PCDHGA3: variants seen among roughly 807,000 people sequenced by gnomAD.
PCDHGA3 encodes the protein protocadherin gamma-A3.
Under a neutral mutation model 58.5 loss-of-function variants are expected in PCDHGA3, and 40 were observed. The observed-to-expected ratio is 0.68, with a 90% CI of 0.53 to 0.89. The LOEUF (loss-of-function observed/expected upper bound fraction) is 0.89. Ranked by LOEUF, PCDHGA3 falls within the 40% of genes least tolerant of loss-of-function variation. PCDHGA3 has a pLI of 0.00. For synonymous variants in PCDHGA3, 530 were observed against 525.7 expected (o/e 1.01, Z -0.11); for missense variants, 1,223 against 1,195.9 (o/e 1.02, Z -0.33).
At chr5:141,415,386 A>G (rs1383734863) in intron 1 of PCDHGA3, 9 of 1,614,156 alleles carry the variant, frequency 5.6e-6, no homozygotes, top group Non-Finnish European at 7.6e-6. Flanking sequence ...GCGGCTTGAC[A>G]GGTGTGTCCG....
chr5:141,438,358 G>A (rs1160913890), intron 1 of PCDHGA3, among the ~76,000 whole-genome samples: 1 of 151,634 alleles, frequency 6.6e-6, no homozygotes. Context: ...TCTGTGTATT[G>A]TCATTGAGGG....
At chr5:141,419,570 G>T in intron 1 of PCDHGA3, 1 of 1,611,766 alleles carries the variant, frequency 6.2e-7, no homozygotes. Context: ...GGGTCCCGAC[G>T]GCTCCGCGCT....
At position 141,402,613 on chromosome 5, in the gene PCDHGA3, A is replaced by G. The variant is rs145557523; in HGVS notation, c.2424+56156A>G. Among the ~76,000 whole-genome samples the G allele has an allele frequency of 3.8e-3, 581 of 152,376 alleles. 6 individuals are homozygous for G. Among genetic ancestry groups the G allele is most frequent in the Admixed American group, 0.011 (170 of 15,298 alleles). The stretch of plus-strand genomic sequence containing the variant: ...AGATTGCTTTTGAAATACAAATGCA[A>G]GAAACAATTGGAGAAATCTAAAATC... On this transcript the variant is annotated intron_variant, in intron 1 of 3. Coordinates refer to ENST00000253812, the MANE Select transcript of PCDHGA3 (RefSeq NM_018916.4).
intron 1 of PCDHGA3, chr5:141,393,452 G>A (rs189963623): frequency 6.2e-7 from 1 of 1,614,030 alleles, no homozygotes; most frequent in Non-Finnish European, 8.5e-7. Context: ...TGGTCCTCAC[G>A]GCCTCGGATG....
At chr5:141,353,190 T>C in intron 1 of PCDHGA3, among the ~76,000 whole-genome samples, 1 of 152,174 alleles carries the variant, frequency 6.6e-6, no homozygotes, top group South Asian at 2.1e-4. Flanking sequence ...GGTTGGCAAA[T>C]CTTGCTAAAG....
At chr5:141,361,039 A>G (rs1561522364) in intron 1 of PCDHGA3, 6 of 1,613,496 alleles carry the variant, frequency 3.7e-6, no homozygotes, top group Non-Finnish European at 4.2e-6. Flanking sequence ...AGGAGAAATC[A>G]CGACAAAGGA....
At chr5:141,355,793 G>C (rs1157536797) in intron 1 of PCDHGA3, 1 of 1,613,456 alleles carries the variant, frequency 6.2e-7, no homozygotes, top group African/African-American at 1.3e-5. Flanking sequence ...GTGCTGGAAC[G>C]CGCTCTAGAT....
At chr5:141,412,980 A>G (rs2095595071) in intron 1 of PCDHGA3, 2 of 543,674 alleles carry the variant, frequency 3.7e-6, no homozygotes, top group Non-Finnish European at 6.3e-6. Flanking sequence ...AAACGCAGCC[A>G]GAGCTCAATC....
chr5:141,433,110 G>C (rs1031253372), intron 1 of PCDHGA3: 1 of 1,614,098 alleles, frequency 6.2e-7, no homozygotes, highest in Middle Eastern at 1.7e-4. Context: ...AGCCAGGAGA[G>C]CTTTGAAAAA....
chr5:141,355,915 G>C, intron 1 of PCDHGA3: 2 of 1,613,748 alleles, frequency 1.2e-6, no homozygotes, highest in Non-Finnish European at 1.7e-6. Flanking sequence ...CAACGATAAT[G>C]CTCCCGTGTT....
At chr5:141,371,216 T>C (rs375835701) in intron 1 of PCDHGA3, 5 of 1,614,056 alleles carry the variant, frequency 3.1e-6, no homozygotes, top group Middle Eastern at 1.6e-4. Flanking sequence ...AGGGCATCAA[T>C]GCCGAAATCA....
At chr5:141,453,544 C>T (rs540372287) in intron 1 of PCDHGA3, among the ~76,000 whole-genome samples, 12 of 152,310 alleles carry the variant, frequency 7.9e-5, no homozygotes, top group African/African-American at 2.9e-4. Flanking sequence ...ATTCACACCA[C>T]ACTCTGTAGA....
At chr5:141,448,086 TA>T (rs558292628) in intron 1 of PCDHGA3, among the ~76,000 whole-genome samples, 67 of 146,274 alleles carry the variant, frequency 4.6e-4, no homozygotes, top group African/African-American at 8.0e-4. Context: ...AATGCCATCT[TA>T]AAAAAAAAAA....
At position 141,487,421 on chromosome 5, in the gene PCDHGA3, C is replaced by A. The variant is rs1365581881; in HGVS notation, c.2425-7386C>A. On this transcript the variant is annotated intron_variant, in intron 1 of 3. Coordinates refer to ENST00000253812, the MANE Select transcript of PCDHGA3 (RefSeq NM_018916.4). This position sits in a 1 kb window ranked among gnomAD's most constrained non-coding sequence, Gnocchi z 5.0. ...GGGGCTTCCCCCTTCCAATGGGATC[C>A]TCCGAATCCAGCTAGGGTCAGATGA... 2 of 1,614,026 alleles carry A rather than the reference C, an allele frequency of 1.2e-6. No individual in the cohort carries two copies. Among genetic ancestry groups the A allele is most frequent in the South Asian group, 1.1e-5 (1 of 91,086 alleles).
At chr5:141,502,512 T>C (rs1029375922) in intron 2 of PCDHGA3, among the ~76,000 whole-genome samples, 2 of 152,212 alleles carry the variant, frequency 1.3e-5, no homozygotes, top group East Asian at 1.9e-4. Context: ...CCTGTCCCAC[T>C]ATCAGTGATG....
At position 141,383,548 on chromosome 5, in the gene PCDHGA3, G is replaced by A. The variant is rs768977528; in HGVS notation, c.2424+37091G>A. 33 of 1,612,508 alleles carry A rather than the reference G, an allele frequency of 2.0e-5. 1 individual carries two copies. In the Admixed American group the frequency reaches 2.3e-4, roughly 11 times the overall value. ...CCACCTGGTCCTCACAGCCTCTGATGGCGGCGACCCGCCCCGATCCAGCAC... is the reference window on the plus strand; with the variant it reads ...CCACCTGGTCCTCACAGCCTCTGATAGCGGCGACCCGCCCCGATCCAGCAC... On this transcript the variant is annotated intron_variant, in intron 1 of 3. Coordinates refer to ENST00000253812, the MANE Select transcript of PCDHGA3 (RefSeq NM_018916.4).
rs776219135 is a variant in PCDHGA3, at chr5:141,403,980, A to G, written c.2424+57523A>G. ...ATTTCGGTGGAAGATGTAAATGACA[A>G]TAGACCTGAAGTGACCATTACATCT... On this transcript the variant is annotated intron_variant, in intron 1 of 3. Coordinates refer to ENST00000253812, the MANE Select transcript of PCDHGA3 (RefSeq NM_018916.4). The G allele has an allele frequency of 5.0e-6, 8 of 1,613,890 alleles. No homozygotes were observed. In the South Asian group the frequency reaches 8.8e-5, roughly 18 times the overall value.
At chr5:141,452,106 CTCT>C (rs748460925) in intron 1 of PCDHGA3, among the ~76,000 whole-genome samples, 12 of 152,096 alleles carry the variant, frequency 7.9e-5, no homozygotes, top group South Asian at 4.1e-4. Flanking sequence ...GCTTTCTTTT[CTCT>C]TCTTATTTAT....
Position 141,485,422 on chromosome 5 carries a change from C to G in PCDHGA3, c.2425-9385C>G, listed in dbSNP as rs775279056. 6.2e-7 allele frequency: 1 copy of G among 1,614,130 alleles called. No homozygotes were observed. Among genetic ancestry groups the G allele is most frequent in the East Asian group, 2.2e-5 (1 of 44,872 alleles). ...TCCGTGTGGATTTGGACAGCGGAGC[C>G]CTGCTCATCAAGAACCCAATCGACC... On this transcript the variant is annotated intron_variant, in intron 1 of 3. Transcript: ENST00000253812. The surrounding 1 kb of genome is among the most constrained non-coding windows in gnomAD (Gnocchi z 5.7).
Sources: allele counts gnomAD v4.1 joint callset (sites outside exome capture counted in the v4.1 genomes callset), GRCh38; gene constraint gnomAD v4.1.1; non-coding constraint Gnocchi (gnomAD v3.1); transcripts MANE v1.5; gene names NCBI Gene and HGNC (gene_info 2026-07-23, HGNC 2026-07-21).